EVC2: variants seen among roughly 807,000 people sequenced by gnomAD.
The protein encoded by EVC2 is limbin.
EVC2 carries 148 observed loss-of-function variants against 149.3 expected under a neutral mutation model. The ratio of observed to expected loss-of-function variants is 0.99; its 90% CI spans 0.87 to 1.14. EVC2 has a LOEUF of 1.14. EVC2 is among the 50% of genes most tolerant of loss of function. EVC2 has a pLI of 0.00. For missense variants in EVC2, 1,854 were observed against 1,627.3 expected, an observed-to-expected ratio of 1.14 and a Z score of -2.40; for synonymous variants, 776 against 649.9, an observed-to-expected ratio of 1.19 and a Z score of -2.95.
At chr4:5,603,044 T>C (rs1714119675) in intron 16 of EVC2, among the ~76,000 whole-genome samples, 1 of 152,198 alleles carries the variant, frequency 6.6e-6, no homozygotes, top group African/African-American at 2.4e-5. Context: ...GGCATGCGTA[T>C]GTTTGATAAA....
intron 7 of EVC2, among the ~76,000 whole-genome samples, chr4:5,666,653 C>G (rs1234276397): frequency 1.3e-5 from 2 of 152,128 alleles, no homozygotes; most frequent in African/African-American, 2.4e-5. Context: ...TTTAATCAGA[C>G]CTGGCTACTT....
intron 7 of EVC2, among the ~76,000 whole-genome samples, chr4:5,672,950 C>G (rs527529739): frequency 9.5e-4 from 145 of 152,124 alleles, no homozygotes; most frequent in Non-Finnish European, 1.6e-3. Context: ...GTCGGCAAAT[C>G]CAGAGACAGA....
rs547996672 is a variant in EVC2 at position 5,593,007 on chromosome 4, GT to G, written c.2830-8158del. 1.6e-3 allele frequency among the ~76,000 whole-genome samples: 245 copies of G among 152,280 alleles called. 1 individual carries two copies. Among genetic ancestry groups the G allele is most frequent in the African/African-American group, 5.7e-3 (238 of 41,556 alleles). On this transcript the variant is annotated intron_variant, in intron 16 of 21. Transcript: ENST00000344408. ...GAGTGAGTTCTCATGAGATCTGATG[GT>G]TTTTTAAGGGATTTTTCTCCCTCTT... is the stretch of plus-strand genomic sequence containing the variant.
chr4:5,562,922 G>C lies in EVC2; in HGVS notation c.3853C>G (p.Leu1285Val). 6.2e-7 allele frequency: 1 copy of C among 1,614,174 alleles called. No homozygotes were observed. The highest frequency in any genetic ancestry group is 1.1e-5 in the South Asian group (1 of 91,078). ...FRNPKEPEIS[L>V]HVPPRKKKNF... ...TTCTTTTTCCTGGGAGGAACGTGCA[G>C]TGAGATCTCTGGCTCCTTTGGATTT... The change falls in exon 22 of 22, where the codon CTG becomes GTG. Residue 1285 changes from leucine to valine, a missense_variant. Physicochemically the swap from Leu to Val is conservative, Grantham distance 32. Transcript: ENST00000344408. This position sits in a 1 kb window ranked among gnomAD's most constrained non-coding sequence, Gnocchi z 4.3.
chr4:5,647,836 T>C lies in EVC2; in HGVS notation c.1146-6998A>G, dbSNP rs552801063. On this transcript the variant is annotated intron_variant, in intron 9 of 21. Coordinates refer to ENST00000344408, the MANE Select transcript of EVC2 (RefSeq NM_147127.5). ...AGATTGAGATCAAGAACAAGGCCTT[T>C]TAAAATAGGAAAACAGGCAGAAGAG... Among the ~76,000 whole-genome samples, 4 of 152,188 alleles carry C rather than the reference T, an allele frequency of 2.6e-5. No individual in the cohort carries two copies. The East Asian group carries it at 7.7e-4, about 29-fold the overall frequency.
intron 17 of EVC2, among the ~76,000 whole-genome samples, chr4:5,583,596 G>GTT (rs1456814362): frequency 6.6e-6 from 1 of 151,708 alleles, no homozygotes; most frequent in African/African-American, 2.4e-5. Context: ...CATTTTTCTA[G>GTT]TTTTTGAATT....
chr4:5,544,943 T>C (rs2108756516), intron 21 of EVC2, among the ~76,000 whole-genome samples: 1 of 152,282 alleles, frequency 6.6e-6, no homozygotes, highest in South Asian at 2.1e-4. Context: ...GTAAAATCCC[T>C]ACAGCACTGG....
intron 9 of EVC2, among the ~76,000 whole-genome samples, chr4:5,641,796 A>G (rs1363125320): frequency 1.3e-5 from 2 of 152,192 alleles, no homozygotes; most frequent in African/African-American, 4.8e-5. Context: ...ATTTTACCTT[A>G]AGTTCTGGGA....
the EVC2 span, among the ~76,000 whole-genome samples, chr4:5,530,161 T>C: frequency 6.6e-6 from 1 of 152,188 alleles, no homozygotes; most frequent in Non-Finnish European, 1.5e-5. Context: ...TTCTTGTCAT[T>C]ACATGCAATT....
intron 12 of EVC2, among the ~76,000 whole-genome samples, chr4:5,626,655 C>T (rs539060240): frequency 6.6e-6 from 1 of 152,108 alleles, no homozygotes; most frequent in Non-Finnish European, 1.5e-5. Flanking sequence ...TTTGGGTGTG[C>T]CTGTGAGGGT....
chr4:5,692,460 G>T (rs1368897914), intron 3 of EVC2, among the ~76,000 whole-genome samples: 1 of 152,216 alleles, frequency 6.6e-6, no homozygotes, highest in Admixed American at 6.5e-5. Flanking sequence ...TCTTGCCAAA[G>T]ATTACTCAGG....
chr4:5,602,724 T>C (rs1237717714), intron 16 of EVC2, among the ~76,000 whole-genome samples: 1 of 152,152 alleles, frequency 6.6e-6, no homozygotes, highest in Non-Finnish European at 1.5e-5. Context: ...GACCTAAATA[T>C]GGTGGGGGAT....
At chr4:5,669,705 C>T (rs1437317361) in intron 7 of EVC2, among the ~76,000 whole-genome samples, 1 of 152,184 alleles carries the variant, frequency 6.6e-6, no homozygotes, top group Non-Finnish European at 1.5e-5. Flanking sequence ...TTCCTCTTTC[C>T]ACTTCCACCT....
intron 21 of EVC2, among the ~76,000 whole-genome samples, chr4:5,550,380 G>A (rs1029807078): frequency 1.2e-4 from 18 of 152,160 alleles, no homozygotes; most frequent in Admixed American, 5.2e-4. Context: ...GAACCAGAGC[G>A]AAGGTGACTC....
At position 5,628,639 on chromosome 4, in the gene EVC2, G is replaced by A; in HGVS notation, c.1806C>T (p.Leu602=). The A allele has an allele frequency of 6.2e-7, 1 of 1,613,944 alleles. No homozygotes were observed. The highest frequency in any genetic ancestry group is 1.7e-5 in the Admixed American group (1 of 60,002). Residue 602 remains leucine, a synonymous_variant, in exon 12 of 22, where the codon CTC becomes CTT. Transcript: ENST00000344408. ...CCTGCACACGGGTCTCTGATGACTGGAGGTTCTGGACCAGATATTCCCTGT... is the reference window on the plus strand; with the variant it reads ...CCTGCACACGGGTCTCTGATGACTGAAGGTTCTGGACCAGATATTCCCTGT... ...FGHREYLVQN[L]QSSETRVQGL...
intron 16 of EVC2, 53 bp from the exon 17 acceptor site, chr4:5,584,903 G>T: frequency 6.3e-7 from 1 of 1,589,746 alleles, no homozygotes; most frequent in Non-Finnish European, 8.6e-7. Flanking sequence ...GTAGAGGAGG[G>T]TGGAGGAGAA....
At chr4:5,537,009 C>A in the EVC2 span, among the ~76,000 whole-genome samples, 8 of 152,088 alleles carry the variant, frequency 5.3e-5, no homozygotes, top group Non-Finnish European at 1.2e-4. Flanking sequence ...GTAATAAGGA[C>A]CGGATTTATC....
In EVC2 at chr4:5,633,872, A is replaced by G. The variant is rs572138647; in HGVS notation, c.1471-1840T>C. ...ACAGACCTGCTCACCTCCACTTCCAATAACTCACAGAAGCTCTCAAAGGTG... is the reference window on the plus strand; with the variant it reads ...ACAGACCTGCTCACCTCCACTTCCAGTAACTCACAGAAGCTCTCAAAGGTG... On this transcript the variant is annotated intron_variant, in intron 10 of 21. Transcript: ENST00000344408. This position sits in a 1 kb window ranked among gnomAD's most constrained non-coding sequence, Gnocchi z 4.4. 6.6e-6 allele frequency among the ~76,000 whole-genome samples: 1 copy of G among 152,354 alleles called. No individual in the cohort carries two copies. The highest frequency in any genetic ancestry group is 2.1e-4 in the South Asian group (1 of 4,826).
chr4:5,543,292 C>A (rs1395397804), intron 21 of EVC2: 6 of 885,756 alleles, frequency 6.8e-6, no homozygotes, highest in Non-Finnish European at 9.6e-6. Context: ...CCACCCCAAG[C>A]CGGCAGGAGC....
Sources: gnomAD v4.1 joint callset for allele counts (sites outside exome capture counted in the v4.1 genomes callset) on GRCh38, gnomAD v4.1.1 for gene constraint, Gnocchi (gnomAD v3.1) non-coding constraint, MANE v1.5 for transcripts, NCBI Gene and HGNC (gene_info 2026-07-23, HGNC 2026-07-21) for gene names.